The following TTN variants were observed in gnomAD, a reference collection of about 807,000 sequenced individuals.
TTN encodes titin, also known as connectin.
Under a neutral mutation model 3,223.0 loss-of-function variants are expected in TTN, and 1,525 were observed. The observed-to-expected ratio is 0.47, with a 90% CI of 0.45 to 0.49. The LOEUF (loss-of-function observed/expected upper bound fraction) is 0.49. TTN is among the 20% of genes least tolerant of loss of function. The probability of loss-of-function intolerance (pLI) is 0.00; values close to 1 mark genes in which losing one functional copy is unlikely to be tolerated. For missense variants in TTN, 40,786 were observed against 43,424.0 expected (o/e 0.94, Z 5.40); for synonymous variants, 14,094 against 15,161.0 (o/e 0.93, Z 5.17).
chr2:178,639,601 T>C, intron 223 of TTN, 98 bp downstream of exon 223: 1 of 1,201,694 alleles, frequency 8.3e-7, no homozygotes, highest in Non-Finnish European at 1.2e-6. Context: ...ATGATACCTA[T>C]GTTGCAGCAT....
chr2:178,585,287 A>T lies in TTN; in HGVS notation c.64457T>A (p.Ile21486Asn). Residue 21486 changes from isoleucine to asparagine, a missense_variant, in exon 309 of 363, where the codon ATT becomes AAT. Transcript: ENST00000589042. ...AGGCTTTCCATACACATGGGCTTCA[A>T]TTCGGAGTTTTTTCCCAGCTTTGAT... Reference protein sequence around the residue: ...ITIKAGKKLRIEAHVYGKPHP... With the variant: ...ITIKAGKKLRNEAHVYGKPHP... 7 of 1,611,906 alleles carry T rather than the reference A, an allele frequency of 4.3e-6. No homozygotes were observed. The highest frequency in any genetic ancestry group is 5.9e-6 in the Non-Finnish European group (7 of 1,178,922).
Position 178,617,232 on chromosome 2 carries a change from A to C in TTN, c.47763T>G (p.Val15921=). ...MKLVPELTYK[V]TGLEKGNKYL... ...ATTTATTTCCTTTTTCCAATCCGGT[A>C]ACCTACGATTATGAATTAATATTTG... The change falls in exon 255 of 363, where the codon GTT becomes GTG. Residue 15921 remains valine (V), a splice_region_variant and synonymous_variant. Coordinates refer to ENST00000589042, the MANE Select transcript of TTN (RefSeq NM_001267550.2). The C allele has an allele frequency of 6.5e-7, 1 of 1,542,828 alleles. No homozygotes were observed. Among genetic ancestry groups the C allele is most frequent in the Non-Finnish European group, 8.7e-7 (1 of 1,146,166 alleles).
Position 178,774,356 on chromosome 2 carries a change from T to C in TTN, c.6908A>G (p.Asp2303Gly). Residue 2303 changes from aspartate to glycine, a missense_variant, in exon 30 of 363, where the codon GAT (aspartate) becomes GGT (glycine). Physicochemically the swap from Asp to Gly is moderately conservative, Grantham distance 94. Transcript: ENST00000589042. Reference sequence around the variant, plus strand: ...TTTGCCATTGGATTTAAGCTCCACATCATTATGATACCATTTTCCTTCTAT... The same window carrying C: ...TTTGCCATTGGATTTAAGCTCCACACCATTATGATACCATTTTCCTTCTAT... ...ENIEGKWYHN[D>G]VELKSNGKYT... 6.2e-7 allele frequency: 1 copy of C among 1,614,128 alleles called. No individual in the cohort carries two copies. Among genetic ancestry groups the C allele is most frequent in the Non-Finnish European group, 8.5e-7 (1 of 1,179,980 alleles).
chr2:178,737,599 C>T (rs200137708), intron 49 of TTN, among the ~76,000 whole-genome samples: 1 of 152,078 alleles, frequency 6.6e-6, no homozygotes, highest in African/African-American at 2.4e-5. Flanking sequence ...CGTGCCCAGC[C>T]GTCTTATTTT....
chr2:178,720,915 T>A lies in TTN; in HGVS notation c.23098+6A>T. On this transcript the variant is annotated splice_donor_region_variant and intron_variant, in intron 79 of 362. Coordinates refer to ENST00000589042, the MANE Select transcript of TTN (RefSeq NM_001267550.2). ...TAAAGAAACAAAGAAGCTTAGTGTGTCTAACCTTTCACTGTCAACGCTGTG... is the reference window on the plus strand; with the variant it reads ...TAAAGAAACAAAGAAGCTTAGTGTGACTAACCTTTCACTGTCAACGCTGTG... The A allele has an allele frequency of 1.3e-6, 2 of 1,581,356 alleles. No homozygotes were observed. Among genetic ancestry groups the A allele is most frequent in the South Asian group, 2.3e-5 (2 of 85,824 alleles).
intron 43 of TTN, among the ~76,000 whole-genome samples, chr2:178,759,946 G>T (rs1256119209): frequency 6.6e-6 from 1 of 152,184 alleles, no homozygotes; most frequent in Non-Finnish European, 1.5e-5. Context: ...GCAGGTTATT[G>T]TGTTGTAATA....
At position 178,531,282 on chromosome 2, in the gene TTN, T is replaced by C; in HGVS notation, c.105333A>G (p.Glu35111=). ...SAEMKSAALE[E]KSLEEKSTTR... ...TTGTGGATTTTTCTTCCAGTGACTT[T>C]TCTTCTAATGCAGCACTTTTCATTT... Residue 35111 remains glutamate (E), a synonymous_variant, in exon 358 of 363, where the codon GAA becomes GAG. Transcript: ENST00000589042. 1 of 1,614,044 alleles carries C rather than the reference T, an allele frequency of 6.2e-7. No homozygotes were observed. Among genetic ancestry groups the C allele is most frequent in the Non-Finnish European group, 8.5e-7 (1 of 1,179,884 alleles).
chr2:178,725,094 T>A (rs1046168745), intron 71 of TTN: 7 of 349,768 alleles, frequency 2.0e-5, no homozygotes, highest in Non-Finnish European at 2.5e-5. Flanking sequence ...GGCTCTGTAT[T>A]CTTTCATGCT....
intron 217 of TTN, chr2:178,645,676 G>A: frequency 3.3e-6 from 1 of 305,716 alleles, no homozygotes; most frequent in Non-Finnish European, 6.0e-6. Context: ...GACAGTGCCT[G>A]CATTCAGATA....
chr2:178,730,065 A>C (rs769419306), intron 62 of TTN, 28 bp downstream of exon 62: 2 of 1,600,382 alleles, frequency 1.2e-6, no homozygotes, highest in South Asian at 2.3e-5. Flanking sequence ...TAGACAAGCA[A>C]GAAAGTGAGG....
rs1304759548 is a variant in TTN, at chr2:178,564,099, C to T, written c.82033G>A (p.Gly27345Arg). Residue 27345 changes from glycine (G) to arginine (R), a missense_variant, in exon 326 of 363, where the codon GGA becomes AGA. Coordinates refer to ENST00000589042, the MANE Select transcript of TTN (RefSeq NM_001267550.2). ...VVKDCIRTDG[G>R]QYILKLSNVG... Reference sequence around the variant, plus strand: ...TTGCTGAGTTTCAGAATATATTGTCCTCCATCAGTCCGTATACAGTCTTTG... The same window carrying T: ...TTGCTGAGTTTCAGAATATATTGTCTTCCATCAGTCCGTATACAGTCTTTG... The T allele has an allele frequency of 6.2e-7, 1 of 1,613,690 alleles. No individual in the cohort carries two copies. Among genetic ancestry groups the T allele is most frequent in the Admixed American group, 1.7e-5 (1 of 59,984 alleles).
rs2080005563 is a variant in TTN, at chr2:178,729,500, T to A, written c.18656A>T (p.Glu6219Val). 1 of 1,613,570 alleles carries A rather than the reference T, an allele frequency of 6.2e-7. No homozygotes were observed. Among genetic ancestry groups the A allele is most frequent in the Non-Finnish European group, 8.5e-7 (1 of 1,179,624 alleles). Residue 6219 changes from glutamate (E) to valine (V), a missense_variant, in exon 64 of 363, where the codon GAG becomes GTG. Glu to Val is a moderately radical substitution (Grantham distance 121, BLOSUM62 -2). Transcript: ENST00000589042. ...EVVKYSDVEL[E>V]CEVTGTPPFE... ...CGGAGGTGTTCCCGTAACTTCACAC[T>A]CCAGCTCCACGTCACTATATTTTAC...
rs1419194917 is a variant in TTN at position 178,730,993 on chromosome 2, C to A, written c.17672G>T (p.Gly5891Val). The A allele has an allele frequency of 6.2e-7, 1 of 1,613,478 alleles. No homozygotes were observed. The highest frequency in any genetic ancestry group is 8.5e-7 in the Non-Finnish European group (1 of 1,179,636). The change falls in exon 60 of 363, where the codon GGA becomes GTA. Residue 5891 changes from glycine (G) to valine (V), a missense_variant. Physicochemically the swap from Gly to Val is moderately radical, Grantham distance 109 (BLOSUM62 -3). Coordinates refer to ENST00000589042, the MANE Select transcript of TTN (RefSeq NM_001267550.2). ...KIISTEKKDS[G>V]EYTFEVQNDV... ...ATTTTGGACCTCGAAAGTATATTCT[C>A]CACTATCTTTCTTTTCTGTAGAAAT...
Position 178,683,175 on chromosome 2 carries a change from T to C in TTN, c.32887+36A>G. On this transcript the variant is annotated intron_variant, in intron 134 of 362. Transcript: ENST00000589042. The stretch of plus-strand genomic sequence containing the variant: ...CTAGAAGGCAAAGAGCCAGATAGTT[T>C]CATGCCTCACATTACTTAATCAAAG... 2.2e-6 allele frequency: 3 copies of C among 1,394,442 alleles called. No homozygotes were observed. The South Asian group carries it at 3.7e-5, about 17-fold the overall frequency. 86.4% of individuals were successfully genotyped at this position (1,394,442 alleles called of 1,614,324 possible).
At chr2:178,760,711 C>G (rs1233309862) in intron 43 of TTN, among the ~76,000 whole-genome samples, 1 of 152,088 alleles carries the variant, frequency 6.6e-6, no homozygotes, top group African/African-American at 2.4e-5. Flanking sequence ...GCTTTATAAG[C>G]CACTGGCACA....
At chr2:178,689,003 ATTTTTTTTTTTTTT>A (rs35770337) in intron 125 of TTN, 36 bp downstream of exon 125, 7 of 1,006,790 alleles carry the variant, frequency 7.0e-6, no homozygotes, top group South Asian at 2.8e-5. Context: ...ACACTCGAAG[ATTTTTTTTTTTTTT>A]TTTTTTTTTT....
In TTN at chr2:178,650,163, C is replaced by G. The variant is rs959064823; in HGVS notation, c.39817+1G>C. On this transcript the variant is annotated splice_donor_variant, in intron 210 of 362. Coordinates refer to ENST00000589042, the MANE Select transcript of TTN (RefSeq NM_001267550.2). LOFTEE classifies it high-confidence loss of function. The stretch of plus-strand genomic sequence containing the variant: ...CCCATACAGTGGATTCTGCTTTGTA[C>G]CTGCTGGAGGTGGAACCTCTGGTTC... 3.8e-6 allele frequency: 6 copies of G among 1,573,876 alleles called. No individual in the cohort carries two copies. Among genetic ancestry groups the G allele is most frequent in the Non-Finnish European group, 5.2e-6 (6 of 1,158,174 alleles).
chr2:178,750,171 C>A, intron 47 of TTN: 1 of 1,613,020 alleles, frequency 6.2e-7, no homozygotes, highest in Non-Finnish European at 8.5e-7. Context: ...TTTGTTTGGC[C>A]CTCTTGACTC....
Position 178,539,438 on chromosome 2 carries a change from A to G in TTN, c.98627T>C (p.Phe32876Ser), listed in dbSNP as rs764169875. Residue 32876 changes from phenylalanine (F) to serine (S), a missense_variant, in exon 352 of 363, where the codon TTT becomes TCT. Coordinates refer to ENST00000589042, the MANE Select transcript of TTN (RefSeq NM_001267550.2). ...YHFRVSAENQ[F>S]GISKPLKSEE... ...AGATTTCAAGGGTTTGCTTATGCCAAACTGGTTTTCTGCTGAAACACGGAA... is the reference window on the plus strand; with the variant it reads ...AGATTTCAAGGGTTTGCTTATGCCAGACTGGTTTTCTGCTGAAACACGGAA... The G allele has an allele frequency of 3.7e-6, 6 of 1,613,698 alleles. No homozygotes were observed. The highest frequency in any genetic ancestry group is 5.1e-6 in the Non-Finnish European group (6 of 1,179,802).
Sources: allele counts gnomAD v4.1 joint callset (sites outside exome capture counted in the v4.1 genomes callset), GRCh38; gene constraint gnomAD v4.1.1; transcripts MANE v1.5; gene names NCBI Gene and HGNC (gene_info 2026-07-23, HGNC 2026-07-21).